Variants in ANTXR2 observed in about 807,000 individuals in gnomAD.
ANTXR2 encodes anthrax toxin receptor 2.
A neutral mutation model predicts 73.7 loss-of-function variants in ANTXR2; 44 were observed. The observed-to-expected ratio is 0.60, with a 90% CI of 0.47 to 0.77. The LOEUF is 0.77. Among genes scored for constraint, ANTXR2 ranks in the 30% least tolerant of loss-of-function variants. The pLI, the probability that ANTXR2 is intolerant of heterozygous loss-of-function variation, is 0.00. For missense variants in ANTXR2, 604 were observed against 592.5 expected, an observed-to-expected ratio of 1.02 and a Z score of -0.20; for synonymous variants, 217 against 205.9, an observed-to-expected ratio of 1.05 and a Z score of -0.46.
intron 12 of ANTXR2, among the ~76,000 whole-genome samples, chr4:79,996,476 T>G (rs1730736359): frequency 6.6e-6 from 1 of 152,014 alleles, no homozygotes; most frequent in Admixed American, 6.6e-5. Flanking sequence ...ATTTAGCTAA[T>G]ATGCCCAATG....
At chr4:79,951,931 T>C (rs1311998853) in intron 16 of ANTXR2, among the ~76,000 whole-genome samples, 1 of 152,156 alleles carries the variant, frequency 6.6e-6, no homozygotes, top group Non-Finnish European at 1.5e-5. Context: ...ATTTCATTAT[T>C]TTACGTTGTA....
intron 12 of ANTXR2, among the ~76,000 whole-genome samples, chr4:79,993,096 T>A (rs1271193854): frequency 6.6e-6 from 1 of 152,038 alleles, no homozygotes; most frequent in Non-Finnish European, 1.5e-5. Flanking sequence ...AAAAAAATAG[T>A]AAGTTTCATG....
chr4:79,986,247 C>A (rs1578132303), intron 12 of ANTXR2, among the ~76,000 whole-genome samples: 2 of 152,162 alleles, frequency 1.3e-5, no homozygotes, highest in Non-Finnish European at 2.9e-5. Flanking sequence ...AGGTACAAAT[C>A]AAAGTCTCTA....
intron 14 of ANTXR2, among the ~76,000 whole-genome samples, chr4:79,979,154 T>G (rs1432373977): frequency 6.6e-6 from 1 of 152,102 alleles, no homozygotes; most frequent in East Asian, 1.9e-4. Context: ...AGACAGAAAT[T>G]AAGAGCAAAT....
chr4:80,037,556 T>C (rs1733036957), intron 7 of ANTXR2, among the ~76,000 whole-genome samples: 1 of 152,076 alleles, frequency 6.6e-6, no homozygotes, highest in African/African-American at 2.4e-5. Flanking sequence ...ACCAAAGAGA[T>C]TCCATAGGCA....
chr4:79,996,637 G>A (rs1400097952), intron 12 of ANTXR2, among the ~76,000 whole-genome samples: 2 of 151,790 alleles, frequency 1.3e-5, no homozygotes, highest in Admixed American at 6.6e-5. Context: ...GCCAAAAATG[G>A]CAAAAATCTG....
intron 12 of ANTXR2, among the ~76,000 whole-genome samples, chr4:79,997,064 T>TA (rs529583921): frequency 0.088 from 12,894 of 146,216 alleles, 642 homozygotes; most frequent in Middle Eastern, 0.24. Flanking sequence ...CCGATTTCTT[T>TA]AAAAAAAAAA....
intron 16 of ANTXR2, among the ~76,000 whole-genome samples, chr4:79,976,850 A>C (rs1408718511): frequency 6.6e-6 from 1 of 152,222 alleles, no homozygotes; most frequent in Non-Finnish European, 1.5e-5. Context: ...GCTAACCTTC[A>C]ATTTTAGGGC....
chr4:79,977,637 G>A lies in ANTXR2; in HGVS notation c.1412C>T (p.Pro471Leu). ...RQYDRVSLMR[P>L]QEGDEGRCIN... ...TATACAAACCTCATCTCCTTCCTGA[G>A]GTCGCATCAAAGAAACCCGGTCATA... The change falls in exon 16 of 17, where the codon CCT becomes CTT. Residue 471 changes from proline to leucine, a missense_variant. Transcript: ENST00000403729. The A allele has an allele frequency of 1.3e-6, 2 of 1,578,724 alleles. No homozygotes were observed. The highest frequency in any genetic ancestry group is 1.2e-5 in the South Asian group (1 of 85,924).
intron 12 of ANTXR2, among the ~76,000 whole-genome samples, chr4:80,002,319 T>C (rs370053053): frequency 6.2e-4 from 95 of 152,138 alleles, no homozygotes; most frequent in African/African-American, 1.9e-3. Context: ...AAAGGATTCC[T>C]TATTTAATAA....
chr4:79,979,832 T>C (rs1307054558), intron 14 of ANTXR2, among the ~76,000 whole-genome samples: 1 of 136,422 alleles, frequency 7.3e-6, no homozygotes, highest in Non-Finnish European at 1.6e-5. Context: ...TCCTTGCAGT[T>C]GTAAAGGCTC....
At chr4:80,044,152 G>A (rs1345082870) in intron 7 of ANTXR2, among the ~76,000 whole-genome samples, 4 of 151,912 alleles carry the variant, frequency 2.6e-5, no homozygotes, top group South Asian at 2.1e-4. Flanking sequence ...AATAACTGAC[G>A]GTAAAGACAA....
chr4:80,054,420 AC>A, intron 6 of ANTXR2, 68 bp from the exon 7 acceptor site: 1 of 1,148,064 alleles, frequency 8.7e-7, no homozygotes. Context: ...AAACTTCGTT[AC>A]ATTTCAGTTA....
rs1042319474 is a variant in ANTXR2 at position 79,904,907 on chromosome 4, G to C, written c.*2522C>G. On this transcript the variant is annotated 3_prime_UTR_variant, in exon 17 of 17. Transcript: ENST00000403729. ...GATTTTTGATCTGGTCTTTTGGTAA[G>C]AAAATAACACTCTTCAAAACAAATT... The C allele has an allele frequency of 1.3e-5, 2 of 152,056 alleles. No individual in the cohort carries two copies. The highest frequency in any genetic ancestry group is 2.9e-5 in the Non-Finnish European group (2 of 67,988). 9.4% of individuals were successfully genotyped at this position (152,056 alleles called of 1,614,324 possible).
At chr4:79,959,666 T>C (rs1270876153) in intron 16 of ANTXR2, among the ~76,000 whole-genome samples, 1 of 152,204 alleles carries the variant, frequency 6.6e-6, no homozygotes, top group Non-Finnish European at 1.5e-5. Flanking sequence ...TAGATACATC[T>C]GGTGAGGGAT....
rs1278655483 is a variant in ANTXR2, at chr4:80,015,904, AGG to A, written c.945+2992_945+2993del. On this transcript the variant is annotated intron_variant, in intron 11 of 16. Coordinates refer to ENST00000403729, the MANE Select transcript of ANTXR2 (RefSeq NM_058172.6). Reference sequence around the variant, plus strand: ...AGGAAAGGAAAGGAAAGGAAAGGAAAGGAAAGGAAAGGAAAGGAAAAAGGAAA... The same window carrying A: ...AGGAAAGGAAAGGAAAGGAAAGGAAAAAAGGAAAGGAAAGGAAAAAGGAAA... 9.4e-5 allele frequency among the ~76,000 whole-genome samples: 8 copies of A among 85,310 alleles called. 1 individual carries two copies. Among genetic ancestry groups the A allele is most frequent in the African/African-American group, 3.7e-4 (7 of 19,176 alleles). The allele number at this position is 85,310 out of a possible 152,430, so 56.0% of individuals were successfully genotyped here.
rs775213208 is a variant in ANTXR2, at chr4:79,977,668, G to A, written c.1381C>T (p.Arg461Trp). Reference sequence around the variant, plus strand: ...ATCAAAGAAACCCGGTCATACTGCCGCCTCAACAAAGCCCAGAGAGCATCA... The same window carrying A: ...ATCAAAGAAACCCGGTCATACTGCCACCTCAACAAAGCCCAGAGAGCATCA... ...RLDALWALLR[R>W]QYDRVSLMRP... is the part of the protein sequence containing the mutation. The change falls in exon 16 of 17, where the codon CGG becomes TGG. Residue 461 changes from arginine (R) to tryptophan (W), a missense_variant. Coordinates refer to ENST00000403729, the MANE Select transcript of ANTXR2 (RefSeq NM_058172.6). The A allele has an allele frequency of 3.2e-5, 50 of 1,581,052 alleles. No individual in the cohort carries two copies. Among genetic ancestry groups the A allele is most frequent in the African/African-American group, 6.7e-5 (5 of 74,200 alleles).
intron 16 of ANTXR2, among the ~76,000 whole-genome samples, chr4:79,948,637 A>T (rs1438090563): frequency 6.6e-6 from 1 of 152,168 alleles, no homozygotes; most frequent in Non-Finnish European, 1.5e-5. Context: ...ATACACCATT[A>T]TGATGACTTA....
intron 11 of ANTXR2, among the ~76,000 whole-genome samples, chr4:80,017,430 T>C (rs4690137): frequency 0.76 from 115,322 of 152,098 alleles, 43,987 homozygotes; most frequent in East Asian, 0.95. Context: ...TACCTCATCA[T>C]TGACACATCA....
Sources: gnomAD v4.1 joint callset for allele counts (sites outside exome capture counted in the v4.1 genomes callset) on GRCh38, gnomAD v4.1.1 for gene constraint, MANE v1.5 for transcripts, NCBI Gene and HGNC (gene_info 2026-07-23, HGNC 2026-07-21) for gene names.